LIPA: variants seen among roughly 807,000 people sequenced by gnomAD.
The protein encoded by LIPA is lipase A, lysosomal acid type.
Under a neutral mutation model 40.6 loss-of-function variants are expected in LIPA, and 26 were observed. The ratio of observed to expected loss-of-function variants is 0.64; its 90% confidence interval spans 0.47 to 0.89. The LOEUF (loss-of-function observed/expected upper bound fraction) is 0.89, where lower values mean the gene tolerates loss of function less well. LIPA is among the 40% of genes least tolerant of loss of function. The pLI, the probability that LIPA is intolerant of heterozygous loss-of-function variation, is 0.00. For synonymous variants in LIPA, 188 were observed against 168.4 expected (o/e 1.12, Z -0.90); for missense variants, 455 against 479.6 (o/e 0.95, Z 0.48).
intron 1 of LIPA, among the ~76,000 whole-genome samples, chr10:89,289,807 C>T (rs1022660656): frequency 2.0e-5 from 3 of 152,166 alleles, no homozygotes; most frequent in Admixed American, 6.5e-5. Flanking sequence ...TTTACTTTTA[C>T]ACTTACTCTT....
At chr10:89,351,830 G>T (rs1187603089) in intron 2 of LIPA, among the ~76,000 whole-genome samples, 3 of 152,176 alleles carry the variant, frequency 2.0e-5, no homozygotes, top group Non-Finnish European at 4.4e-5. Flanking sequence ...CAGCCTTAAA[G>T]ATTCAGACAT....
intron 5 of LIPA, among the ~76,000 whole-genome samples, chr10:89,225,606 T>G (rs1355124069): frequency 1.3e-5 from 2 of 152,038 alleles, no homozygotes; most frequent in Non-Finnish European, 2.9e-5. Flanking sequence ...CAAAGAACAA[T>G]TTACAGACAC....
At chr10:89,369,827 G>C (rs1386738486) in intron 2 of LIPA, among the ~76,000 whole-genome samples, 3 of 152,244 alleles carry the variant, frequency 2.0e-5, no homozygotes, top group Non-Finnish European at 4.4e-5. Flanking sequence ...GAAAGGCAGA[G>C]AGAATGGCAT....
intron 2 of LIPA, among the ~76,000 whole-genome samples, chr10:89,349,668 C>T (rs954303776): frequency 1.3e-5 from 2 of 152,126 alleles, no homozygotes; most frequent in Admixed American, 1.3e-4. Context: ...TGGGGAGAGT[C>T]CAGTCTGTCA....
upstream of LIPA, among the ~76,000 whole-genome samples, chr10:89,345,167 T>TAA (rs200363600): frequency 2.2e-4 from 30 of 136,098 alleles, no homozygotes; most frequent in African/African-American, 7.4e-4. Context: ...TCTGTCTCAA[T>TAA]AAAAAAAAAA....
intron 2 of LIPA, chr10:89,383,856 C>A: frequency 6.2e-7 from 1 of 1,614,170 alleles, no homozygotes; most frequent in Non-Finnish European, 8.5e-7. Flanking sequence ...ATACTGGGTA[C>A]GCAATCACCG....
intron 2 of LIPA, among the ~76,000 whole-genome samples, chr10:89,394,721 T>A (rs1003771921): frequency 3.3e-5 from 5 of 151,516 alleles, no homozygotes; most frequent in Non-Finnish European, 7.4e-5. Context: ...CTTTAAAGTA[T>A]ACAATTTAGT....
intron 2 of LIPA, among the ~76,000 whole-genome samples, chr10:89,348,230 C>T (rs1843935479): frequency 6.6e-6 from 1 of 152,126 alleles, no homozygotes; most frequent in South Asian, 2.1e-4. Flanking sequence ...GGGAAATCTT[C>T]CAGGAACAGT....
chr10:89,318,272 A>G (rs1335278930), intron 1 of LIPA, among the ~76,000 whole-genome samples: 3 of 152,230 alleles, frequency 2.0e-5, no homozygotes, highest in Non-Finnish European at 4.4e-5. Context: ...ACAGACTGGC[A>G]AATTGGCTAA....
intron 1 of LIPA, chr10:89,306,861 G>A: frequency 6.2e-7 from 1 of 1,614,058 alleles, no homozygotes; most frequent in Non-Finnish European, 8.5e-7. Flanking sequence ...ATGAATCTAA[G>A]AGAGAATGGA....
At chr10:89,321,790 T>C (rs1015541020) in intron 1 of LIPA, among the ~76,000 whole-genome samples, 1 of 152,200 alleles carries the variant, frequency 6.6e-6, no homozygotes, top group South Asian at 2.1e-4. Context: ...TGCAGCACTA[T>C]TCACAATAGC....
At chr10:89,309,688 G>A (rs1020524715) in intron 1 of LIPA, among the ~76,000 whole-genome samples, 1 of 152,146 alleles carries the variant, frequency 6.6e-6, no homozygotes, top group African/African-American at 2.4e-5. Context: ...TGGGAAAACA[G>A]CAAGAAGGGT....
chr10:89,316,264 G>A (rs924520197), intron 1 of LIPA, among the ~76,000 whole-genome samples: 9 of 152,192 alleles, frequency 5.9e-5, no homozygotes, highest in African/African-American at 9.6e-5. Flanking sequence ...AAAGCAGGGC[G>A]GGGCATCGCC....
chr10:89,301,473 A>G (rs1382099972), intron 1 of LIPA, among the ~76,000 whole-genome samples: 1 of 152,154 alleles, frequency 6.6e-6, no homozygotes, highest in African/African-American at 2.4e-5. Context: ...GTGTCCTCCT[A>G]GGAGTTGTGC....
In LIPA at chr10:89,222,434, T is replaced by C. The variant is rs1210298298; in HGVS notation, c.894+77A>G. The C allele has an allele frequency of 5.6e-6, 5 of 899,866 alleles. No homozygotes were observed. In the East Asian group the frequency reaches 9.6e-5, roughly 17 times the overall value. The allele number at this position is 899,866 out of a possible 1,614,324, so 55.7% of individuals were successfully genotyped here. A position where few individuals can be genotyped will look rare whatever the true frequency, so the allele number is the denominator to read the frequency against. On this transcript the variant is annotated intron_variant, in intron 8 of 9. Coordinates refer to ENST00000336233, the MANE Select transcript of LIPA (RefSeq NM_000235.4). ...ATTTGTAAGCAGGTTGTCTTTCTAT[T>C]TGGAAAGGGTTTGCATGCCCAGACC...
intron 1 of LIPA, among the ~76,000 whole-genome samples, chr10:89,248,391 C>A (rs1843061556): frequency 6.7e-6 from 1 of 150,208 alleles, no homozygotes; most frequent in Non-Finnish European, 1.5e-5. Flanking sequence ...CAGATGACTT[C>A]GTGACCTGCC....
intron 2 of LIPA, among the ~76,000 whole-genome samples, chr10:89,382,450 A>C (rs1332338): frequency 4.6e-5 from 7 of 152,270 alleles, no homozygotes; most frequent in South Asian, 2.1e-4. Flanking sequence ...AGCGTGAACT[A>C]TTGGGGAAAA....
intron 2 of LIPA, among the ~76,000 whole-genome samples, chr10:89,391,514 A>G (rs1274712029): frequency 6.6e-6 from 1 of 151,696 alleles, no homozygotes; most frequent in Non-Finnish European, 1.5e-5. Flanking sequence ...ATGCACCCGG[A>G]CAACAATTTT....
chr10:89,249,167 T>C (rs983933375), intron 1 of LIPA, among the ~76,000 whole-genome samples: 2 of 152,184 alleles, frequency 1.3e-5, no homozygotes, highest in South Asian at 2.1e-4. Context: ...TGAAAGAAAA[T>C]AGAGCTTTCA....
Sources: allele counts gnomAD v4.1 joint callset (sites outside exome capture counted in the v4.1 genomes callset), GRCh38; gene constraint gnomAD v4.1.1; transcripts MANE v1.5; gene names NCBI Gene and HGNC (gene_info 2026-07-23, HGNC 2026-07-21).